ADAMTS20: variants seen among roughly 807,000 people sequenced by gnomAD.
ADAMTS20 encodes ADAM metallopeptidase with thrombospondin type 1 motif 20, also known as A disintegrin and metalloproteinase with thrombospondin motifs 20.
A neutral mutation model predicts 260.1 loss-of-function variants in ADAMTS20; 225 were observed. That is an observed-to-expected ratio of 0.87 (90% confidence interval 0.78 to 0.97). The LOEUF is 0.97. Ranked by LOEUF, ADAMTS20 falls within the 50% of genes least tolerant of loss-of-function variation. The pLI is 0.00. For synonymous variants in ADAMTS20, 802 were observed against 769.5 expected, an observed-to-expected ratio of 1.04 and a Z score of -0.70; for missense variants, 2,400 against 2,337.7, an observed-to-expected ratio of 1.03 and a Z score of -0.55.
chr12:43,489,670 GTTATATC>G (rs1473881073), intron 7 of ADAMTS20, among the ~76,000 whole-genome samples: 4 of 151,806 alleles, frequency 2.6e-5, no homozygotes, highest in Non-Finnish European at 4.4e-5. Flanking sequence ...AAAATAATTT[GTTATATC>G]TTATAAATGT....
In ADAMTS20 at chr12:43,354,110, G is replaced by A. The variant is rs2137173500; in HGVS notation, c.*99C>T. Reference sequence around the variant, plus strand: ...AAAAAGGCAGAGACATATTGGACATGGAAATCTCGGGAAGGGAGATATAAA... The same window carrying A: ...AAAAAGGCAGAGACATATTGGACATAGAAATCTCGGGAAGGGAGATATAAA... On this transcript the variant is annotated 3_prime_UTR_variant, in exon 39 of 39. Coordinates refer to ENST00000389420, the MANE Select transcript of ADAMTS20 (RefSeq NM_025003.5). 1 of 881,186 alleles carries A rather than the reference G, an allele frequency of 1.1e-6. No homozygotes were observed. The highest frequency in any genetic ancestry group is 2.0e-5 in the South Asian group (1 of 51,020). The allele number at this position is 881,186 out of a possible 1,614,324, so 54.6% of individuals were successfully genotyped here.
intron 29 of ADAMTS20, among the ~76,000 whole-genome samples, chr12:43,388,944 T>C (rs1180884340): frequency 6.6e-6 from 1 of 152,166 alleles, no homozygotes; most frequent in Non-Finnish European, 1.5e-5. Flanking sequence ...GAGCTAGCTT[T>C]CTGGGGTGTC....
intron 37 of ADAMTS20, among the ~76,000 whole-genome samples, chr12:43,361,379 AG>A: frequency 6.6e-6 from 1 of 152,368 alleles, no homozygotes; most frequent in South Asian, 2.1e-4. Flanking sequence ...AGACAAATAC[AG>A]GCTGAATATA....
intron 29 of ADAMTS20, among the ~76,000 whole-genome samples, chr12:43,397,371 G>C (rs1940725217): frequency 6.6e-6 from 1 of 152,172 alleles, no homozygotes; most frequent in Admixed American, 6.6e-5. Flanking sequence ...GATATTAAGT[G>C]ACACAAGCAT....
chr12:43,422,131 T>A (rs1941248620), intron 28 of ADAMTS20, among the ~76,000 whole-genome samples: 1 of 152,058 alleles, frequency 6.6e-6, no homozygotes, highest in Non-Finnish European at 1.5e-5. Flanking sequence ...AGGCTAAGAT[T>A]TATTTATTCC....
At chr12:43,389,689 G>GTT (rs61328758) in intron 29 of ADAMTS20, among the ~76,000 whole-genome samples, 4 of 151,546 alleles carry the variant, frequency 2.6e-5, no homozygotes, top group African/African-American at 7.3e-5. Context: ...ATTCAGCCAG[G>GTT]TTTTTTTTGT....
chr12:43,377,268 C>A, intron 32 of ADAMTS20, 97 bp downstream of exon 32: 3 of 1,091,748 alleles, frequency 2.7e-6, no homozygotes, highest in Non-Finnish European at 2.5e-6. Context: ...TCTGAGGCAA[C>A]TCTGAGGATC....
chr12:43,454,973 CATT>C (rs1220273092), intron 11 of ADAMTS20, among the ~76,000 whole-genome samples: 2 of 152,136 alleles, frequency 1.3e-5, no homozygotes, highest in African/African-American at 4.8e-5. Flanking sequence ...TAGGTATACT[CATT>C]GTTGTGCAAC....
Position 43,377,553 on chromosome 12 carries a change from T to C in ADAMTS20, c.4807A>G (p.Asn1603Asp), listed in dbSNP as rs141686511. The change falls in exon 32 of 39, where the codon AAC becomes GAC. Residue 1603 changes from asparagine (N) to aspartate (D), a missense_variant. By Grantham distance (23) the Asn-to-Asp change is conservative (BLOSUM62 1). Transcript: ENST00000389420. ...VTADSSQCAN[N>D]CGFSYRQRIT... Reference sequence around the variant, plus strand: ...CTTTGTCTGTAACTAAATCCACAGTTGTTTGCACACTGAAAAATACATAAT... The same window carrying C: ...CTTTGTCTGTAACTAAATCCACAGTCGTTTGCACACTGAAAAATACATAAT... The C allele has an allele frequency of 6.2e-7, 1 of 1,609,384 alleles. No individual in the cohort carries two copies. Among genetic ancestry groups the C allele is most frequent in the African/African-American group, 1.3e-5 (1 of 74,816 alleles).
intron 28 of ADAMTS20, among the ~76,000 whole-genome samples, chr12:43,421,663 T>C (rs1941240938): frequency 6.6e-6 from 1 of 152,004 alleles, no homozygotes; most frequent in African/African-American, 2.4e-5. Context: ...TTAAATAAAT[T>C]TGCTTACATC....
At chr12:43,466,574 T>G in intron 9 of ADAMTS20, 78 bp downstream of exon 9, 1 of 1,376,958 alleles carries the variant, frequency 7.3e-7, no homozygotes. Flanking sequence ...TAAACAGAAA[T>G]TGAACCACCT....
At chr12:43,354,354 C>T in intron 38 of ADAMTS20, 56 bp from the exon 39 acceptor site, 1 of 1,298,556 alleles carries the variant, frequency 7.7e-7, no homozygotes, top group Non-Finnish European at 1.1e-6. Flanking sequence ...TATCTGTATG[C>T]AAATAGCAGA....
intron 37 of ADAMTS20, among the ~76,000 whole-genome samples, chr12:43,368,794 T>A (rs182353308): frequency 1.3e-5 from 2 of 152,070 alleles, no homozygotes; most frequent in East Asian, 3.9e-4. Context: ...ATCATGGAAA[T>A]GACATAAGAG....
intron 4 of ADAMTS20, among the ~76,000 whole-genome samples, chr12:43,493,747 T>G (rs751207632): frequency 1.3e-5 from 2 of 152,244 alleles, no homozygotes; most frequent in Non-Finnish European, 2.9e-5. Flanking sequence ...GTTTTACCTA[T>G]TCTTTTCTGA....
At chr12:43,478,052 A>G (rs1942385943) in intron 7 of ADAMTS20, among the ~76,000 whole-genome samples, 1 of 152,198 alleles carries the variant, frequency 6.6e-6, no homozygotes, top group Non-Finnish European at 1.5e-5. Flanking sequence ...AAAAGAAGAA[A>G]TAAGATGTAT....
intron 3 of ADAMTS20, among the ~76,000 whole-genome samples, chr12:43,509,162 G>A (rs1265232755): frequency 6.6e-6 from 1 of 151,996 alleles, no homozygotes; most frequent in East Asian, 1.9e-4. Context: ...ATCATTGATT[G>A]GCATTTGTTG....
Position 43,551,120 on chromosome 12 carries a change from C to G in ADAMTS20, c.242G>C (p.Arg81Pro). Residue 81 changes from arginine to proline, a missense_variant, in exon 2 of 39, where the codon CGC becomes CCC. Physicochemically the swap from Arg to Pro is moderately radical, Grantham distance 103. Coordinates refer to ENST00000389420, the MANE Select transcript of ADAMTS20 (RefSeq NM_025003.5). This position sits in a 1 kb window ranked among gnomAD's most constrained non-coding sequence, Gnocchi z 4.6. ...LEPMPFRTHY[R>P]FTAYGQLFQL... is the part of the protein sequence containing the mutation. ...GAAGAGCTGCCCGTAGGCAGTGAAG[C>G]GATAGTGGGTTCGGAACGGCATGGG... The G allele has an allele frequency of 1.2e-6, 2 of 1,613,902 alleles. No homozygotes were observed. The highest frequency in any genetic ancestry group is 1.7e-6 in the Non-Finnish European group (2 of 1,179,860).
intron 38 of ADAMTS20, 87 bp from the exon 39 acceptor site, chr12:43,354,385 A>T (rs1415638258): frequency 3.2e-6 from 3 of 930,536 alleles, no homozygotes; most frequent in African/African-American, 1.7e-5. Context: ...GCTTTGAATC[A>T]TATGGCTAAA....
At position 43,502,208 on chromosome 12, in the gene ADAMTS20, C is replaced by A; in HGVS notation, c.811G>T (p.Val271Leu). Reference sequence around the variant, plus strand: ...AAATTCGATCCATGAGCAGAAACCACTTTAGCATCAGCTGTAACCATAATT... The same window carrying A: ...AAATTCGATCCATGAGCAGAAACCAATTTAGCATCAGCTGTAACCATAATT... ...IEIMVTADAK[V>L]VSAHGSNLQN... The change falls in exon 4 of 39, where the codon GTG (valine) becomes TTG (leucine). Residue 271 changes from valine (V) to leucine (L), a missense_variant. Val to Leu is a conservative substitution (Grantham distance 32). Transcript: ENST00000389420. 2 of 1,610,614 alleles carry A rather than the reference C, an allele frequency of 1.2e-6. No homozygotes were observed. Among genetic ancestry groups the A allele is most frequent in the Non-Finnish European group, 1.7e-6 (2 of 1,178,644 alleles).
Sources: gnomAD v4.1 joint callset for allele counts (sites outside exome capture counted in the v4.1 genomes callset) on GRCh38, gnomAD v4.1.1 for gene constraint, Gnocchi (gnomAD v3.1) non-coding constraint, MANE v1.5 for transcripts, NCBI Gene and HGNC (gene_info 2026-07-23, HGNC 2026-07-21) for gene names.